TMEM63C: variants seen among roughly 807,000 people sequenced by gnomAD.
TMEM63C encodes the protein osmosensitive cation channel TMEM63C.
A neutral mutation model predicts 99.2 loss-of-function variants in TMEM63C; 32 were observed. That is an observed-to-expected ratio of 0.32 (90% CI 0.24 to 0.43). The LOEUF (loss-of-function observed/expected upper bound fraction) is 0.43, where lower values mean the gene tolerates loss of function less well. Ranked by LOEUF, TMEM63C falls within the 20% of genes least tolerant of loss-of-function variation. The pLI, the probability that TMEM63C is intolerant of heterozygous loss-of-function variation, is 1.00. For missense variants in TMEM63C, 826 were observed against 1,053.0 expected (o/e 0.78, Z 2.98); for synonymous variants, 376 against 397.9 (o/e 0.94, Z 0.66).
chr14:77,254,841 A>G (rs555491593), intron 23 of TMEM63C, among the ~76,000 whole-genome samples: 1 of 151,258 alleles, frequency 6.6e-6, no homozygotes, highest in South Asian at 2.1e-4. Context: ...ATAAGAAAAT[A>G]AAAAGTCCAT....
chr14:77,207,173 A>G (rs1392400036), intron 1 of TMEM63C, among the ~76,000 whole-genome samples: 1 of 152,184 alleles, frequency 6.6e-6, no homozygotes, highest in African/African-American at 2.4e-5. Flanking sequence ...GGACAAGGAA[A>G]AGAAACTTCC....
chr14:77,191,488 C>CTCAAG (rs1358968820), intron 1 of TMEM63C, among the ~76,000 whole-genome samples: 4 of 138,352 alleles, frequency 2.9e-5, no homozygotes, highest in Non-Finnish European at 6.2e-5. Context: ...TATAGTGTTG[C>CTCAAG]TCAAGTTCTC....
At chr14:77,228,795 C>G (rs1387189616) in intron 6 of TMEM63C, among the ~76,000 whole-genome samples, 1 of 152,104 alleles carries the variant, frequency 6.6e-6, no homozygotes, top group East Asian at 1.9e-4. Context: ...TCTTGGCCCC[C>G]CAAAGTGCTG....
At chr14:77,188,026 G>A (rs775357691) in intron 1 of TMEM63C, among the ~76,000 whole-genome samples, 12 of 152,098 alleles carry the variant, frequency 7.9e-5, no homozygotes, top group African/African-American at 1.9e-4. Flanking sequence ...ACCCCAGCTC[G>A]GCTAAGAACC....
chr14:77,196,646 A>G lies in TMEM63C; in HGVS notation c.-77+14752A>G, dbSNP rs56016351. Among the ~76,000 whole-genome samples the G allele has an allele frequency of 8.7e-3, 1,324 of 152,234 alleles. 25 individuals carry two copies. The highest frequency in any genetic ancestry group is 0.031 in the African/African-American group (1,293 of 41,520). ...TTCCAAGAGTTCCCTAACTCTTGAC[A>G]CTTTATCCTCTAGGAAAGGATTAAG... On this transcript the variant is annotated intron_variant, in intron 1 of 23. Coordinates refer to ENST00000298351, the MANE Select transcript of TMEM63C (RefSeq NM_020431.4).
rs549173747 is a variant in TMEM63C at position 77,216,118 on chromosome 14, A to G, written c.-14+2610A>G. On this transcript the variant is annotated intron_variant, in intron 2 of 23. Transcript: ENST00000298351. ...AAAAGAGAGAGGAAGGAAGGAAGGA[A>G]GGAGGGAGGGAGAGAGAGAGAGAGA... is the stretch of plus-strand genomic sequence containing the variant. 5.4e-3 allele frequency among the ~76,000 whole-genome samples: 287 copies of G among 52,702 alleles called. 1 individual carries two copies. The highest frequency in any genetic ancestry group is 0.017 in the African/African-American group (246 of 14,762). The allele number at this position is 52,702 out of a possible 152,430, so 34.6% of individuals were successfully genotyped here.
At chr14:77,221,391 C>T (rs1462365483) in intron 5 of TMEM63C, among the ~76,000 whole-genome samples, 4 of 84,612 alleles carry the variant, frequency 4.7e-5, no homozygotes, top group Non-Finnish European at 8.6e-5. Context: ...CTCCCACTCA[C>T]GCCTCCCATT....
At chr14:77,217,058 A>C (rs1888599514) in intron 2 of TMEM63C, among the ~76,000 whole-genome samples, 1 of 151,480 alleles carries the variant, frequency 6.6e-6, no homozygotes, top group East Asian at 1.9e-4. Flanking sequence ...AGTCCCAGCT[A>C]CTCTTGAATA....
chr14:77,251,563 T>G (rs1252931895), intron 21 of TMEM63C: 1 of 552,152 alleles, frequency 1.8e-6, no homozygotes, highest in Non-Finnish European at 3.3e-6. Flanking sequence ...CAGTGGGTAC[T>G]GAAGTCAATT....
chr14:77,244,481 C>T (rs940648591), intron 16 of TMEM63C, 26 bp downstream of exon 16: 6 of 1,583,440 alleles, frequency 3.8e-6, no homozygotes, highest in African/African-American at 1.3e-5. Flanking sequence ...CCTCTCGTAG[C>T]CCTGTGGTTT....
At chr14:77,217,310 G>T (rs941982533) in intron 2 of TMEM63C, among the ~76,000 whole-genome samples, 5 of 152,130 alleles carry the variant, frequency 3.3e-5, no homozygotes, top group African/African-American at 4.8e-5. Context: ...CAGCTGCATG[G>T]TTCACTCCCT....
At position 77,238,592 on chromosome 14, in the gene TMEM63C, G is replaced by A. The variant is rs79133593; in HGVS notation, c.652-102G>A. ...AAGGAGGCACTGGCATCAGCAGCCT[G>A]CTGTGAGCAGAAGGCCTGCTCTGAG... On this transcript the variant is annotated intron_variant, in intron 9 of 23. Coordinates refer to ENST00000298351, the MANE Select transcript of TMEM63C (RefSeq NM_020431.4). 9.4e-4 allele frequency: 839 copies of A among 896,896 alleles called. 6 individuals are homozygous for A. In the African/African-American group the frequency reaches 0.013, roughly 13 times the overall value. The allele number at this position is 896,896 out of a possible 1,614,324, so 55.6% of individuals were successfully genotyped here. A position where few individuals can be genotyped will look rare whatever the true frequency, so the allele number is the denominator to read the frequency against.
chr14:77,228,791 C>T (rs1888882201), intron 6 of TMEM63C, among the ~76,000 whole-genome samples: 1 of 152,064 alleles, frequency 6.6e-6, no homozygotes, highest in African/African-American at 2.4e-5. Context: ...CCCATCTTGG[C>T]CCCCCAAAGT....
intron 8 of TMEM63C, among the ~76,000 whole-genome samples, chr14:77,235,414 G>A (rs569261878): frequency 4.7e-4 from 43 of 91,502 alleles, no homozygotes; most frequent in African/African-American, 1.7e-3. Flanking sequence ...CTGGGAGACT[G>A]TGATGGGTGG....
intron 5 of TMEM63C, among the ~76,000 whole-genome samples, chr14:77,221,676 C>A (rs1454882457): frequency 8.0e-5 from 11 of 137,292 alleles, no homozygotes; most frequent in Non-Finnish European, 3.1e-5. Flanking sequence ...CCTCCTCTCC[C>A]ACTCATGCCT....
At chr14:77,247,998 A>AC (rs1336287678) in intron 18 of TMEM63C, among the ~76,000 whole-genome samples, 2 of 151,896 alleles carry the variant, frequency 1.3e-5, no homozygotes, top group South Asian at 2.1e-4. Context: ...TAGTTTACAG[A>AC]CCCCCCAGAA....
At chr14:77,198,628 C>A (rs969638653) in intron 1 of TMEM63C, among the ~76,000 whole-genome samples, 1 of 152,336 alleles carries the variant, frequency 6.6e-6, no homozygotes, top group Middle Eastern at 3.4e-3. Context: ...GTCCTGCAAA[C>A]TTCTAGCTTT....
intron 1 of TMEM63C, among the ~76,000 whole-genome samples, chr14:77,198,173 G>A (rs772961423): frequency 1.8e-4 from 27 of 152,230 alleles, no homozygotes; most frequent in Admixed American, 1.3e-3. Context: ...CAGACGTGAC[G>A]TCATGGTCCT....
intron 1 of TMEM63C, among the ~76,000 whole-genome samples, chr14:77,189,587 T>C (rs938817880): frequency 2.0e-5 from 3 of 152,236 alleles, no homozygotes; most frequent in African/African-American, 7.2e-5. Context: ...TAACACTTCA[T>C]TTAACAAAGA....
Sources: gnomAD v4.1 joint callset for allele counts (sites outside exome capture counted in the v4.1 genomes callset) on GRCh38, gnomAD v4.1.1 for gene constraint, MANE v1.5 for transcripts, NCBI Gene and HGNC (gene_info 2026-07-23, HGNC 2026-07-21) for gene names.